The following PCDHGA5 variants were observed in gnomAD, a reference collection of about 807,000 sequenced individuals.
PCDHGA5 encodes protocadherin gamma-A5.
Under a neutral mutation model 56.7 loss-of-function variants are expected in PCDHGA5, and 36 were observed. The observed-to-expected ratio is 0.64, with a 90% CI of 0.49 to 0.84. The LOEUF (loss-of-function observed/expected upper bound fraction) is 0.84. Ranked by LOEUF, PCDHGA5 falls within the 40% of genes least tolerant of loss-of-function variation. The probability of loss-of-function intolerance (pLI) is 0.00; values close to 1 mark genes in which losing one functional copy is unlikely to be tolerated. For missense variants in PCDHGA5, 1,305 were observed against 1,201.5 expected (o/e 1.09, Z -1.27); for synonymous variants, 563 against 520.2 (o/e 1.08, Z -1.12).
chr5:141,367,552 A>ATAAATAAG (rs1765229761), intron 1 of PCDHGA5: 1 of 147,664 alleles, frequency 6.8e-6, no homozygotes, highest in South Asian at 2.1e-4. Context: ...AAATAAATAA[A>ATAAATAAG]TAAATAAATA....
In PCDHGA5 at chr5:141,475,977, A is replaced by G. The variant is rs369460464; in HGVS notation, c.2422-18830A>G. The stretch of plus-strand genomic sequence containing the variant: ...CCCCGGGATGAGGCAGAGACTGAAC[A>G]GCCGGCGAGCAAATCAACGGCATCC... On this transcript the variant is annotated intron_variant, in intron 1 of 3. Transcript: ENST00000518069. The G allele has an allele frequency of 2.2e-5, 21 of 972,826 alleles. No individual in the cohort carries two copies. The South Asian group carries it at 2.8e-4, about 13-fold the overall frequency. 60.3% of individuals were successfully genotyped at this position (972,826 alleles called of 1,614,324 possible).
At chr5:141,403,211 G>A (rs1253134514) in intron 1 of PCDHGA5, 2 of 1,613,856 alleles carry the variant, frequency 1.2e-6, no homozygotes, top group Non-Finnish European at 1.7e-6. Flanking sequence ...CTTGGTCACC[G>A]CGGGTAGGAT....
At chr5:141,494,752 T>G (rs889400984) in intron 1 of PCDHGA5, 55 bp from the exon 2 acceptor site, 6 of 1,612,324 alleles carry the variant, frequency 3.7e-6, no homozygotes, top group East Asian at 2.2e-5. Flanking sequence ...GGGGCTCGGG[T>G]GACATTCTAA....
intron 1 of PCDHGA5, chr5:141,403,838 G>C: frequency 6.2e-7 from 1 of 1,613,710 alleles, no homozygotes; most frequent in Non-Finnish European, 8.5e-7. Context: ...CCAGCTTAAT[G>C]AAAATACTGG....
At chr5:141,507,009 C>T (rs988626142) in intron 3 of PCDHGA5, 1 of 152,154 alleles carries the variant, frequency 6.6e-6, no homozygotes, top group South Asian at 2.1e-4. Context: ...ATGAGAGAAC[C>T]GAGAAGGCAC....
chr5:141,433,299 T>G, intron 1 of PCDHGA5: 1 of 995,012 alleles, frequency 1.0e-6, no homozygotes, highest in Non-Finnish European at 1.5e-6. Flanking sequence ...GCTCAAGCAA[T>G]TATCCCACCT....
intron 1 of PCDHGA5, chr5:141,423,659 A>C (rs369390148): frequency 6.4e-7 from 1 of 1,551,038 alleles, no homozygotes; most frequent in African/African-American, 1.4e-5. Flanking sequence ...ACAAGTAATC[A>C]GGTGAGATTT....
At chr5:141,453,311 A>C (rs2098762053) in intron 1 of PCDHGA5, among the ~76,000 whole-genome samples, 1 of 151,602 alleles carries the variant, frequency 6.6e-6, no homozygotes, top group African/African-American at 2.4e-5. Flanking sequence ...TTATTTATTT[A>C]TTTTAGAGAT....
At chr5:141,382,844 C>G (rs749994518) in intron 1 of PCDHGA5, 3 of 1,475,612 alleles carry the variant, frequency 2.0e-6, no homozygotes, top group Non-Finnish European at 2.7e-6. Flanking sequence ...CCGGATACAC[C>G]CGCATTCTGA....
chr5:141,410,086 G>A (rs759204005), intron 1 of PCDHGA5: 3 of 1,612,588 alleles, frequency 1.9e-6, no homozygotes, highest in Non-Finnish European at 2.5e-6. Flanking sequence ...AGGTGCGCAC[G>A]GCTCGAGCCT....
At chr5:141,404,041 A>G in intron 1 of PCDHGA5, 1 of 1,613,936 alleles carries the variant, frequency 6.2e-7, no homozygotes, top group Non-Finnish European at 8.5e-7. Context: ...CACCTCAGGG[A>G]ACAGTAATTC....
intron 1 of PCDHGA5, chr5:141,422,772 C>A: frequency 6.2e-7 from 1 of 1,613,922 alleles, no homozygotes. Flanking sequence ...CTGGTGTTCT[C>A]TATGCCCTAC....
chr5:141,423,689 G>A (rs2096767103), intron 1 of PCDHGA5: 2 of 1,400,130 alleles, frequency 1.4e-6, no homozygotes, highest in Non-Finnish European at 9.4e-7. Context: ...CCTCCTAATT[G>A]TTGGTGTCTT....
At chr5:141,430,818 T>G (rs1240970813) in intron 1 of PCDHGA5, 2 of 1,540,582 alleles carry the variant, frequency 1.3e-6, no homozygotes, top group Non-Finnish European at 1.7e-6. Flanking sequence ...GGAATCCTCC[T>G]GGGGACTCTG....
At chr5:141,464,883 T>G (rs995385615) in intron 1 of PCDHGA5, among the ~76,000 whole-genome samples, 1 of 152,086 alleles carries the variant, frequency 6.6e-6, no homozygotes, top group African/African-American at 2.4e-5. Flanking sequence ...GGACTACAGA[T>G]GGATGCCACC....
chr5:141,391,681 T>TC (rs2092407596), intron 1 of PCDHGA5: 4 of 152,210 alleles, frequency 2.6e-5, no homozygotes, highest in Admixed American at 2.6e-4. Context: ...TGAAATAAGT[T>TC]CATCTGCTAC....
At chr5:141,509,908 G>A (rs376035312) in intron 3 of PCDHGA5, among the ~76,000 whole-genome samples, 1 of 152,164 alleles carries the variant, frequency 6.6e-6, no homozygotes, top group African/African-American at 2.4e-5. Flanking sequence ...TCCAGCATGC[G>A]CTTAGGTACA....
Position 141,365,658 on chromosome 5 carries a change from C to T in PCDHGA5, c.1328C>T (p.Ala443Val). The T allele has an allele frequency of 6.2e-7, 1 of 1,613,440 alleles. No homozygotes were observed. The highest frequency in any genetic ancestry group is 8.5e-7 in the Non-Finnish European group (1 of 1,179,776). Reference sequence around the variant, plus strand: ...GAAAGCCACATCCCCTTGAAAGTAGCAGACGTTAATGACAACCCACCCAAT... The same window carrying T: ...GAAAGCCACATCCCCTTGAAAGTAGTAGACGTTAATGACAACCCACCCAAT... The part of the protein sequence containing the change: ...STESHIPLKV[A>V]DVNDNPPNFP... The change falls in exon 1 of 4, where the codon GCA becomes GTA. Residue 443 changes from alanine to valine, a missense_variant. By Grantham distance (64) the Ala-to-Val change is moderately conservative (BLOSUM62 0). Coordinates refer to ENST00000518069, the MANE Select transcript of PCDHGA5 (RefSeq NM_018918.3).
At chr5:141,488,259 C>T (rs1594750656) in intron 1 of PCDHGA5, among the ~76,000 whole-genome samples, 1 of 152,144 alleles carries the variant, frequency 6.6e-6, no homozygotes, top group African/African-American at 2.4e-5. Context: ...AAGGTTGGGG[C>T]GGGTTGGTCA....
Sources: gnomAD v4.1 joint callset for allele counts (sites outside exome capture counted in the v4.1 genomes callset) on GRCh38, gnomAD v4.1.1 for gene constraint, MANE v1.5 for transcripts, NCBI Gene and HGNC (gene_info 2026-07-23, HGNC 2026-07-21) for gene names.